Variants in SH3GL3 observed in about 807,000 individuals in gnomAD.
SH3GL3 encodes SH3 domain containing GRB2 like 3, endophilin A3.
Under a neutral mutation model 47.7 loss-of-function variants are expected in SH3GL3, and 33 were observed. The ratio of observed to expected loss-of-function variants is 0.69; its 90% CI spans 0.52 to 0.92. The LOEUF (loss-of-function observed/expected upper bound fraction) is 0.92. Ranked by LOEUF, SH3GL3 falls within the 40% of genes least tolerant of loss-of-function variation. The probability of loss-of-function intolerance (pLI) is 0.00; values close to 1 mark genes in which losing one functional copy is unlikely to be tolerated. For synonymous variants in SH3GL3, 155 were observed against 148.8 expected (o/e 1.04, Z -0.30); for missense variants, 363 against 417.8 (o/e 0.87, Z 1.14).
intron 1 of SH3GL3, among the ~76,000 whole-genome samples, chr15:83,496,671 G>A (rs1004863579): frequency 3.0e-4 from 46 of 152,138 alleles, no homozygotes; most frequent in African/African-American, 1.1e-3. Flanking sequence ...CAGGGGAGTG[G>A]TAAGGGCAGG....
Position 83,596,737 on chromosome 15 carries a change from G to T in SH3GL3, c.838+7966G>T, listed in dbSNP as rs77998963. On this transcript the variant is annotated intron_variant, in intron 8 of 8. Coordinates refer to ENST00000427482, the MANE Select transcript of SH3GL3 (RefSeq NM_003027.5). The stretch of plus-strand genomic sequence containing the variant: ...TTCCACCTCGGCCTCCAAAGTGCTA[G>T]GATTATAGGCGTGAGCCACTGCACC... Among the ~76,000 whole-genome samples the T allele has an allele frequency of 7.3e-3, 1,117 of 152,140 alleles. 60 individuals carry two copies. In the East Asian group the frequency reaches 0.1, roughly 14 times the overall value.
chr15:83,605,265 C>T (rs1217733765), intron 8 of SH3GL3, among the ~76,000 whole-genome samples: 2 of 152,152 alleles, frequency 1.3e-5, no homozygotes, highest in Admixed American at 6.5e-5. Flanking sequence ...TTCAAGTTCC[C>T]GTCTCACACA....
intron 1 of SH3GL3, among the ~76,000 whole-genome samples, chr15:83,450,804 A>AT (rs34099509): frequency 0.62 from 36,231 of 58,660 alleles, 11,221 homozygotes; most frequent in Middle Eastern, 0.69. Flanking sequence ...TTTTTTTTTA[A>AT]TTTTTTTTTT....
intron 1 of SH3GL3, among the ~76,000 whole-genome samples, chr15:83,543,183 A>G (rs1280057145): frequency 6.6e-6 from 1 of 152,062 alleles, no homozygotes; most frequent in African/African-American, 2.4e-5. Flanking sequence ...GGTTTTTATA[A>G]TGAAGGGACA....
chr15:83,475,873 G>A (rs1458876408), intron 1 of SH3GL3, among the ~76,000 whole-genome samples: 2 of 152,180 alleles, frequency 1.3e-5, no homozygotes, highest in African/African-American at 2.4e-5. Context: ...CATCTACTTT[G>A]TTTGGAGCTT....
chr15:83,463,770 T>C (rs1567239689), intron 1 of SH3GL3, among the ~76,000 whole-genome samples: 1 of 144,592 alleles, frequency 6.9e-6, no homozygotes, highest in Non-Finnish European at 1.5e-5. Context: ...TTTCTTTCTT[T>C]TTTTTTTTTT....
At chr15:83,541,334 T>TG (rs2044152788) in intron 1 of SH3GL3, among the ~76,000 whole-genome samples, 1 of 95,812 alleles carries the variant, frequency 1.0e-5, no homozygotes, top group African/African-American at 4.4e-5. Context: ...TTTTTTTTTT[T>TG]TTTTTTTTTT....
At chr15:83,551,186 T>C (rs2044651126) in intron 1 of SH3GL3, among the ~76,000 whole-genome samples, 1 of 152,198 alleles carries the variant, frequency 6.6e-6, no homozygotes, top group Admixed American at 6.6e-5. Flanking sequence ...TTCATTTTCC[T>C]GTTATTGACA....
intron 5 of SH3GL3, among the ~76,000 whole-genome samples, chr15:83,576,145 A>G (rs1334960866): frequency 2.7e-5 from 4 of 150,940 alleles, no homozygotes; most frequent in Admixed American, 2.0e-4. Flanking sequence ...GGGATTGTAG[A>G]AGTTTGTGAT....
At chr15:83,481,521 T>C (rs189807607) in intron 1 of SH3GL3, among the ~76,000 whole-genome samples, 53 of 152,280 alleles carry the variant, frequency 3.5e-4, no homozygotes, top group Non-Finnish European at 5.9e-4. Context: ...GCTTACTTTA[T>C]TTGTACTTGA....
rs549210009 is a variant in SH3GL3 at position 83,607,919 on chromosome 15, G to A, written c.839-10163G>A. The stretch of plus-strand genomic sequence containing the variant: ...CAAAAAAAACAACCCACACACATTG[G>A]ACCTGGTTGCAATAGAGGGGTCACC... On this transcript the variant is annotated intron_variant, in intron 8 of 8. Transcript: ENST00000427482. Among the ~76,000 whole-genome samples, 7 of 151,300 alleles carry A rather than the reference G, an allele frequency of 4.6e-5. No homozygotes were observed. In the South Asian group the frequency reaches 1.5e-3, roughly 32 times the overall value.
intron 1 of SH3GL3, among the ~76,000 whole-genome samples, chr15:83,558,053 CCTG>C (rs1383876860): frequency 6.6e-6 from 1 of 152,208 alleles, no homozygotes; most frequent in Non-Finnish European, 1.5e-5. Flanking sequence ...TTTAAAACAA[CCTG>C]CCATCTTTTC....
At chr15:83,583,508 C>A (rs2059886877) in intron 6 of SH3GL3, among the ~76,000 whole-genome samples, 1 of 152,200 alleles carries the variant, frequency 6.6e-6, no homozygotes, top group Non-Finnish European at 1.5e-5. Flanking sequence ...TGGCTCAGAT[C>A]TTATGCAAGT....
intron 1 of SH3GL3, among the ~76,000 whole-genome samples, chr15:83,477,030 C>A (rs1384223266): frequency 9.2e-5 from 14 of 152,192 alleles, no homozygotes; most frequent in Admixed American, 8.5e-4. Flanking sequence ...AGTTCAGGAG[C>A]TACAAGTACC....
intron 8 of SH3GL3, among the ~76,000 whole-genome samples, chr15:83,602,478 C>T (rs947706504): frequency 6.6e-6 from 1 of 152,174 alleles, no homozygotes; most frequent in Non-Finnish European, 1.5e-5. Context: ...GCAGAAGGGG[C>T]AAACAAGCTC....
intron 8 of SH3GL3, chr15:83,609,604 G>A (rs2060611973): frequency 4.1e-6 from 1 of 241,944 alleles, no homozygotes; most frequent in Admixed American, 4.7e-5. Context: ...TTGCCTTTCA[G>A]TGGGGATGCT....
At chr15:83,514,235 A>G (rs1364365114) in intron 1 of SH3GL3, among the ~76,000 whole-genome samples, 2 of 152,256 alleles carry the variant, frequency 1.3e-5, no homozygotes, top group African/African-American at 2.4e-5. Flanking sequence ...CCAGACCTAA[A>G]GAAGAACATC....
At chr15:83,606,101 A>G (rs1412717383) in intron 8 of SH3GL3, among the ~76,000 whole-genome samples, 1 of 152,164 alleles carries the variant, frequency 6.6e-6, no homozygotes, top group Non-Finnish European at 1.5e-5. Context: ...TGTAATCACA[A>G]CTAAGGGTTA....
At chr15:83,517,461 C>G (rs966740328) in intron 1 of SH3GL3, among the ~76,000 whole-genome samples, 1 of 152,110 alleles carries the variant, frequency 6.6e-6, no homozygotes, top group Non-Finnish European at 1.5e-5. Flanking sequence ...CTGCCTCACC[C>G]TCCCAAAGTG....
Sources: allele counts gnomAD v4.1 joint callset (sites outside exome capture counted in the v4.1 genomes callset), GRCh38; gene constraint gnomAD v4.1.1; transcripts MANE v1.5; gene names NCBI Gene and HGNC (gene_info 2026-07-23, HGNC 2026-07-21).